NEGR1: variants seen among roughly 807,000 people sequenced by gnomAD.
The protein encoded by NEGR1 is IgLON family member 4.
Under a neutral mutation model 40.9 loss-of-function variants are expected in NEGR1, and 10 were observed. The ratio of observed to expected loss-of-function variants is 0.24; its 90% CI spans 0.15 to 0.42. NEGR1 has a LOEUF of 0.42. NEGR1 is among the 10% of genes least tolerant of loss of function. The pLI is 1.00. For missense variants in NEGR1, 352 were observed against 438.9 expected (o/e 0.80, Z 1.77); for synonymous variants, 185 against 166.8 (o/e 1.11, Z -0.84).
At chr1:72,155,406 A>C (rs1399425117) in intron 1 of NEGR1, among the ~76,000 whole-genome samples, 1 of 152,050 alleles carries the variant, frequency 6.6e-6, no homozygotes, top group African/African-American at 2.4e-5. Context: ...AATTATCCTA[A>C]GAACAATCAG....
intron 3 of NEGR1, among the ~76,000 whole-genome samples, chr1:71,774,154 T>C (rs1438932807): frequency 6.6e-6 from 1 of 152,212 alleles, no homozygotes; most frequent in East Asian, 1.9e-4. Flanking sequence ...ATTATTATCA[T>C]GCAATTTTTG....
chr1:71,435,426 A>G (rs1646503096), intron 6 of NEGR1, among the ~76,000 whole-genome samples: 1 of 152,178 alleles, frequency 6.6e-6, no homozygotes, highest in Non-Finnish European at 1.5e-5. Flanking sequence ...GGTTCTGCCA[A>G]CCAAGAGGTA....
chr1:71,837,205 T>C (rs1045512947), intron 2 of NEGR1, among the ~76,000 whole-genome samples: 1 of 152,108 alleles, frequency 6.6e-6, no homozygotes, highest in Admixed American at 6.6e-5. Flanking sequence ...CTGATAAAAA[T>C]AGTAGAAATT....
chr1:71,821,243 G>T (rs930022125), intron 2 of NEGR1, among the ~76,000 whole-genome samples: 2 of 151,868 alleles, frequency 1.3e-5, no homozygotes, highest in Non-Finnish European at 1.5e-5. Flanking sequence ...TTACATCAAT[G>T]ATATTATATT....
chr1:72,007,662 G>C (rs570287081), intron 1 of NEGR1, among the ~76,000 whole-genome samples: 5 of 152,140 alleles, frequency 3.3e-5, no homozygotes, highest in Admixed American at 2.0e-4. Context: ...AAGTGAACTA[G>C]TTAAAAAAAA....
At chr1:72,275,189 CAG>C (rs963363529) in intron 1 of NEGR1, 37 of 609,994 alleles carry the variant, frequency 6.1e-5, no homozygotes, top group Non-Finnish European at 9.6e-5. Flanking sequence ...CAAAGAAAAA[CAG>C]AAAATACATC....
intron 4 of NEGR1, among the ~76,000 whole-genome samples, chr1:71,650,056 G>A (rs573494230): frequency 1.4e-4 from 21 of 152,268 alleles, no homozygotes; most frequent in African/African-American, 5.1e-4. Context: ...GCAACAAGGA[G>A]TTGGTAATAA....
intron 1 of NEGR1, among the ~76,000 whole-genome samples, chr1:72,272,077 T>C (rs558644918): frequency 8.0e-4 from 121 of 152,036 alleles, no homozygotes; most frequent in Non-Finnish European, 1.4e-3. Flanking sequence ...TTAGAATTTT[T>C]CAGTTATGTA....
intron 1 of NEGR1, among the ~76,000 whole-genome samples, chr1:72,094,539 C>A (rs1412415653): frequency 6.6e-6 from 1 of 152,134 alleles, no homozygotes; most frequent in Non-Finnish European, 1.5e-5. Context: ...AACTTACCAC[C>A]AACAGACAGT....
chr1:71,677,027 T>G (rs920328535), intron 4 of NEGR1, among the ~76,000 whole-genome samples: 3 of 152,200 alleles, frequency 2.0e-5, no homozygotes, highest in African/African-American at 7.2e-5. Flanking sequence ...TGTGAGTTAC[T>G]TGAACTTCAT....
At chr1:71,482,244 A>T (rs1053840301) in intron 6 of NEGR1, among the ~76,000 whole-genome samples, 15 of 152,020 alleles carry the variant, frequency 9.9e-5, no homozygotes, top group Non-Finnish European at 1.8e-4. Context: ...AACTATATTA[A>T]TATTAAAGAA....
chr1:71,629,734 C>G (rs1650910238), intron 4 of NEGR1, among the ~76,000 whole-genome samples: 1 of 151,932 alleles, frequency 6.6e-6, no homozygotes, highest in South Asian at 2.1e-4. Context: ...CCCAAAATCT[C>G]CTTAAGCAGA....
intron 5 of NEGR1, among the ~76,000 whole-genome samples, chr1:71,595,546 G>A (rs1649669485): frequency 6.6e-6 from 1 of 152,034 alleles, no homozygotes; most frequent in Non-Finnish European, 1.5e-5. Context: ...AGAGTTCTGG[G>A]GTATGAAGAC....
intron 3 of NEGR1, among the ~76,000 whole-genome samples, chr1:71,729,510 G>C (rs1339878433): frequency 6.6e-6 from 1 of 152,054 alleles, no homozygotes; most frequent in East Asian, 1.9e-4. Context: ...CCCATGCTTT[G>C]GCATGGGGTA....
chr1:71,497,925 T>G (rs1248799673), intron 6 of NEGR1, among the ~76,000 whole-genome samples: 1 of 152,092 alleles, frequency 6.6e-6, no homozygotes, highest in Non-Finnish European at 1.5e-5. Flanking sequence ...AAATTATATT[T>G]TTAAAAGACA....
At chr1:71,681,837 AT>A (rs34136468) in intron 4 of NEGR1, among the ~76,000 whole-genome samples, 6 of 151,808 alleles carry the variant, frequency 4.0e-5, no homozygotes, top group South Asian at 2.1e-4. Flanking sequence ...ATTCCATTTA[AT>A]TTTTTTTAGG....
chr1:71,956,855 T>C (rs190307021), intron 1 of NEGR1, among the ~76,000 whole-genome samples: 9 of 152,232 alleles, frequency 5.9e-5, no homozygotes, highest in African/African-American at 1.7e-4. Flanking sequence ...ATTCCAGACA[T>C]AGTGTCTGTA....
intron 1 of NEGR1, among the ~76,000 whole-genome samples, chr1:72,073,135 T>C (rs1332129319): frequency 6.6e-6 from 1 of 152,140 alleles, no homozygotes; most frequent in African/African-American, 2.4e-5. Flanking sequence ...GACCTTAAGC[T>C]AACTTCATGG....
At chr1:72,208,453 C>T (rs1653486678) in intron 1 of NEGR1, among the ~76,000 whole-genome samples, 1 of 151,524 alleles carries the variant, frequency 6.6e-6, no homozygotes, top group Non-Finnish European at 1.5e-5. Flanking sequence ...ATATTTTTGG[C>T]TCTCCAAAGA....
Sources: allele counts gnomAD v4.1 joint callset (sites outside exome capture counted in the v4.1 genomes callset), GRCh38; gene constraint gnomAD v4.1.1; transcripts MANE v1.5; gene names NCBI Gene and HGNC (gene_info 2026-07-23, HGNC 2026-07-21).